The following GALNT11 variants were observed in gnomAD, a reference collection of about 807,000 sequenced individuals.
The protein encoded by GALNT11 is polypeptide N-acetylgalactosaminyltransferase 11.
Under a neutral mutation model 72.7 loss-of-function variants are expected in GALNT11, and 47 were observed. The observed-to-expected ratio is 0.65, with a 90% CI of 0.51 to 0.82. The LOEUF (loss-of-function observed/expected upper bound fraction) is 0.82. Ranked by LOEUF, GALNT11 falls within the 40% of genes least tolerant of loss-of-function variation. GALNT11 has a pLI of 0.00. For missense variants in GALNT11, 677 were observed against 778.4 expected (o/e 0.87, Z 1.55); for synonymous variants, 270 against 286.6 (o/e 0.94, Z 0.58).
chr7:152,084,317 G>A (rs1260481656), intron 1 of GALNT11, among the ~76,000 whole-genome samples: 2 of 145,824 alleles, frequency 1.4e-5, no homozygotes, highest in African/African-American at 2.6e-5. Flanking sequence ...AGAGGATGAT[G>A]ACTTGAGCCT....
At chr7:152,073,298 C>A (rs1028780700) in intron 1 of GALNT11, among the ~76,000 whole-genome samples, 2 of 152,194 alleles carry the variant, frequency 1.3e-5, no homozygotes, top group African/African-American at 4.8e-5. Context: ...CTCTTCCTAT[C>A]TCCTCCCTTC....
intron 1 of GALNT11, among the ~76,000 whole-genome samples, chr7:152,062,612 T>C (rs535385979): frequency 1.3e-5 from 2 of 152,222 alleles, no homozygotes; most frequent in Non-Finnish European, 2.9e-5. Flanking sequence ...TTGTCATAAA[T>C]AGCTCTTACT....
At chr7:152,112,661 C>G (rs1261287345) in intron 7 of GALNT11, among the ~76,000 whole-genome samples, 2 of 151,954 alleles carry the variant, frequency 1.3e-5, no homozygotes, top group Non-Finnish European at 2.9e-5. Context: ...AGTTCAGTCT[C>G]TTTTTAGATA....
intron 1 of GALNT11, among the ~76,000 whole-genome samples, chr7:152,063,020 G>T (rs2084105148): frequency 6.6e-6 from 1 of 152,162 alleles, no homozygotes; most frequent in Non-Finnish European, 1.5e-5. Context: ...CTATTGATAG[G>T]AATAGTTTCA....
chr7:152,054,503 C>CTTTTTTTTTT (rs1037895401), intron 1 of GALNT11, among the ~76,000 whole-genome samples: 2 of 72,108 alleles, frequency 2.8e-5, no homozygotes, highest in Non-Finnish European at 5.8e-5. Context: ...TTTTTCTTGT[C>CTTTTTTTTTT]TTTTTTTTTT....
intron 1 of GALNT11, among the ~76,000 whole-genome samples, chr7:152,051,211 T>TC (rs1346923709): frequency 4.1e-5 from 6 of 147,956 alleles, no homozygotes; most frequent in Admixed American, 1.3e-4. Flanking sequence ...TTTTTTTTTT[T>TC]TTTTTTTTTT....
At position 152,120,825 on chromosome 7, in the gene GALNT11, C is replaced by T; in HGVS notation, c.1558-6C>T. 1 of 1,592,422 alleles carries T rather than the reference C, an allele frequency of 6.3e-7. No individual in the cohort carries two copies. The highest frequency in any genetic ancestry group is 8.6e-7 in the Non-Finnish European group (1 of 1,163,632). On this transcript the variant is annotated splice_polypyrimidine_tract_variant and splice_region_variant and intron_variant, in intron 10 of 11. Transcript: ENST00000430044. ...ATCTAAATTTTATTTTATTTTTCTT[C>T]TCTAGATCTGGATCTATAATGAAGA... is the stretch of plus-strand genomic sequence containing the variant.
rs1176775250 is a variant in GALNT11 at position 152,118,756 on chromosome 7, G to T, written c.1531G>T (p.Ala511Ser). 6.2e-7 allele frequency: 1 copy of T among 1,609,262 alleles called. No individual in the cohort carries two copies. Among genetic ancestry groups the T allele is most frequent in the South Asian group, 1.1e-5 (1 of 90,468 alleles). Residue 511 changes from alanine to serine, a missense_variant, in exon 10 of 12, where the codon GCC becomes TCC. Physicochemically the swap from Ala to Ser is moderately conservative, Grantham distance 99 (BLOSUM62 1). Transcript: ENST00000430044. ...SQKGGLVVLKACDYSDPNQIW... is the reference protein window; with the variant it reads ...SQKGGLVVLKSCDYSDPNQIW... The stretch of plus-strand genomic sequence containing the variant: ...GAAGGGAGGTCTCGTGGTGCTTAAG[G>T]CCTGTGACTACAGTGACCCAAATCA...
chr7:152,087,758 A>G (rs367736146), intron 1 of GALNT11, among the ~76,000 whole-genome samples: 25 of 152,204 alleles, frequency 1.6e-4, no homozygotes, highest in African/African-American at 6.0e-4. Flanking sequence ...GTTCAGTGCA[A>G]AGGGTGGTGT....
At chr7:152,077,197 T>C (rs546201930) in intron 1 of GALNT11, among the ~76,000 whole-genome samples, 4 of 152,342 alleles carry the variant, frequency 2.6e-5, no homozygotes, top group Admixed American at 6.5e-5. Context: ...AAAATAGCCC[T>C]GGCCTTGTGC....
chr7:152,118,814 T>C, intron 10 of GALNT11, 32 bp downstream of exon 10: 2 of 1,568,136 alleles, frequency 1.3e-6, no homozygotes, highest in Non-Finnish European at 8.7e-7. Flanking sequence ...ACAGCCAGTG[T>C]CCGCAAGGAG....
At chr7:152,053,931 C>G (rs954680353) in intron 1 of GALNT11, among the ~76,000 whole-genome samples, 1 of 152,002 alleles carries the variant, frequency 6.6e-6, no homozygotes, top group African/African-American at 2.4e-5. Flanking sequence ...AAAAACTTTC[C>G]TAGTTTTTGT....
At position 152,108,035 on chromosome 7, in the gene GALNT11, C is replaced by G; in HGVS notation, c.713-3C>G. ...TCCTGAGCCTCTGTTGTTTCCTCCCCAGGAGAAGTCCTTGTGTTCCTGGAC... is the reference window on the plus strand; with the variant it reads ...TCCTGAGCCTCTGTTGTTTCCTCCCGAGGAGAAGTCCTTGTGTTCCTGGAC... On this transcript the variant is annotated splice_polypyrimidine_tract_variant and splice_region_variant and intron_variant, in intron 5 of 11. Coordinates refer to ENST00000430044, the MANE Select transcript of GALNT11 (RefSeq NM_022087.4). 3.1e-6 allele frequency: 5 copies of G among 1,604,900 alleles called. No homozygotes were observed. The highest frequency in any genetic ancestry group is 4.3e-6 in the Non-Finnish European group (5 of 1,172,746).
chr7:152,030,098 C>T (rs182492248), intron 1 of GALNT11, among the ~76,000 whole-genome samples: 11 of 152,102 alleles, frequency 7.2e-5, no homozygotes, highest in Admixed American at 1.3e-4. Flanking sequence ...TGTGCGGAGA[C>T]GAGAGAGTGT....
intron 2 of GALNT11, among the ~76,000 whole-genome samples, chr7:152,098,349 C>G (rs111254759): frequency 2.7e-4 from 41 of 151,932 alleles, no homozygotes; most frequent in African/African-American, 9.2e-4. Context: ...TGTTTGGGCC[C>G]AGGAGGCAGA....
At chr7:152,075,086 G>C (rs771411419) in intron 1 of GALNT11, 1 of 152,130 alleles carries the variant, frequency 6.6e-6, no homozygotes, top group Non-Finnish European at 1.5e-5. Context: ...TGTGGGTCTC[G>C]CACCTCCTGA....
intron 1 of GALNT11, among the ~76,000 whole-genome samples, chr7:152,041,926 G>A (rs567449369): frequency 1.3e-5 from 2 of 152,326 alleles, no homozygotes; most frequent in South Asian, 2.1e-4. Flanking sequence ...GTCAGGAGCT[G>A]TAATTAAGCC....
intron 1 of GALNT11, among the ~76,000 whole-genome samples, chr7:152,056,034 T>C (rs2083659928): frequency 6.6e-6 from 1 of 152,052 alleles, no homozygotes; most frequent in South Asian, 2.1e-4. Flanking sequence ...CACTAATTTG[T>C]TCTCTGTTTC....
chr7:152,034,745 A>G (rs1290469201), intron 1 of GALNT11, among the ~76,000 whole-genome samples: 1 of 152,178 alleles, frequency 6.6e-6, no homozygotes, highest in Non-Finnish European at 1.5e-5. Flanking sequence ...GGATGGGAAT[A>G]GTTGCACTCA....
Sources: allele counts gnomAD v4.1 joint callset (sites outside exome capture counted in the v4.1 genomes callset), GRCh38; gene constraint gnomAD v4.1.1; transcripts MANE v1.5; gene names NCBI Gene and HGNC (gene_info 2026-07-23, HGNC 2026-07-21).